Variants in DUSP22 observed in about 807,000 individuals in gnomAD.
The protein encoded by DUSP22 is dual specificity phosphatase 22.
DUSP22 carries 24 observed loss-of-function variants against 24.5 expected under a neutral mutation model. The observed-to-expected ratio is 0.98, with a 90% CI of 0.71 to 1.38. The LOEUF is 1.38. DUSP22 is among the 40% of genes most tolerant of loss of function. The pLI, the probability that DUSP22 is intolerant of heterozygous loss-of-function variation, is 0.00. For synonymous variants in DUSP22, 160 were observed against 106.4 expected (o/e 1.50, Z -3.10); for missense variants, 330 against 269.2 (o/e 1.23, Z -1.58).
At chr6:322,753 G>A (rs1380960801) in intron 3 of DUSP22, among the ~76,000 whole-genome samples, 1 of 150,994 alleles carries the variant, frequency 6.6e-6, no homozygotes, top group Non-Finnish European at 1.5e-5. Context: ...CTAGCAGAAA[G>A]CTTAAGCATC....
At chr6:326,835 C>T (rs554716244) in intron 3 of DUSP22, among the ~76,000 whole-genome samples, 4 of 152,424 alleles carry the variant, frequency 2.6e-5, no homozygotes, top group African/African-American at 7.2e-5. Flanking sequence ...ATTAAGAATG[C>T]TGCAATTCTA....
chr6:339,901 C>T (rs1349872569), intron 4 of DUSP22, among the ~76,000 whole-genome samples: 1 of 152,296 alleles, frequency 6.6e-6, no homozygotes, highest in East Asian at 1.9e-4. Context: ...GGCCCTTGGA[C>T]TACTGTGGTC....
intron 1 of DUSP22, among the ~76,000 whole-genome samples, chr6:301,318 G>T (rs1338704372): frequency 6.6e-6 from 1 of 152,310 alleles, no homozygotes; most frequent in Admixed American, 6.5e-5. Flanking sequence ...TTAGGGCAAA[G>T]AAAGTGCTAT....
intron 1 of DUSP22, among the ~76,000 whole-genome samples, chr6:297,816 C>G (rs1470492395): frequency 6.6e-6 from 1 of 152,300 alleles, no homozygotes; most frequent in Non-Finnish European, 1.5e-5. Context: ...AGGTCAGGCA[C>G]CTTTGTGCTG....
Position 350,664 on chromosome 6 carries a change from T to G in DUSP22, c.*1713T>G. ...AAACAATTTGCCAATAAAGTACATG[T>G]TTTTCCTAAGCCAAAAATAAATACG... is the stretch of plus-strand genomic sequence containing the variant. On this transcript the variant is annotated 3_prime_UTR_variant, in exon 7 of 7. Transcript: ENST00000419235. 1 of 1,524,794 alleles carries G rather than the reference T, an allele frequency of 6.6e-7. No individual in the cohort carries two copies. 94.5% of individuals were successfully genotyped at this position (1,524,794 alleles called of 1,614,324 possible).
chr6:310,029 C>T (rs775226102), intron 2 of DUSP22, among the ~76,000 whole-genome samples: 1 of 152,306 alleles, frequency 6.6e-6, no homozygotes, highest in Non-Finnish European at 1.5e-5. Flanking sequence ...GGGGCGATCT[C>T]GGCTCACTGC....
intron 3 of DUSP22, among the ~76,000 whole-genome samples, chr6:312,764 T>G (rs1389952604): frequency 1.3e-5 from 2 of 152,306 alleles, no homozygotes; most frequent in East Asian, 3.8e-4. Flanking sequence ...TAATGTTTTT[T>G]ATTTCAAATG....
intron 3 of DUSP22, among the ~76,000 whole-genome samples, chr6:319,052 G>A (rs912771679): frequency 9.9e-5 from 15 of 152,268 alleles, no homozygotes; most frequent in African/African-American, 2.7e-4. Context: ...AAAGGACCAG[G>A]CCAGACTCCT....
intron 1 of DUSP22, among the ~76,000 whole-genome samples, chr6:294,804 A>G (rs983126606): frequency 3.9e-5 from 6 of 152,300 alleles, no homozygotes; most frequent in Non-Finnish European, 8.8e-5. Context: ...GAGAACAAAC[A>G]CAAGGTAGGG....
At chr6:338,245 T>C (rs911065845) in intron 4 of DUSP22, among the ~76,000 whole-genome samples, 1 of 152,310 alleles carries the variant, frequency 6.6e-6, no homozygotes, top group Non-Finnish European at 1.5e-5. Flanking sequence ...ACTAAAGTTA[T>C]GTGGAAATGG....
chr6:348,008 A>AC, intron 5 of DUSP22, 95 bp from the exon 6 acceptor site: 1 of 1,543,010 alleles, frequency 6.5e-7, no homozygotes, highest in Non-Finnish European at 8.8e-7. Flanking sequence ...GACTTTCTGA[A>AC]CAAGGTCCTT....
chr6:348,744 T>C (rs774208219), intron 6 of DUSP22, 25 bp from the exon 7 acceptor site: 6 of 1,613,968 alleles, frequency 3.7e-6, no homozygotes, highest in Middle Eastern at 1.7e-4. Flanking sequence ...GTGTGACGTT[T>C]CGGGTTTGTT....
chr6:337,745 C>T (rs1399324019), intron 4 of DUSP22, among the ~76,000 whole-genome samples: 4 of 152,310 alleles, frequency 2.6e-5, no homozygotes, highest in African/African-American at 9.6e-5. Context: ...ACGTTTTACT[C>T]TTTAAGCAAT....
At chr6:320,678 C>T (rs1286610021) in intron 3 of DUSP22, among the ~76,000 whole-genome samples, 2 of 152,282 alleles carry the variant, frequency 1.3e-5, no homozygotes, top group African/African-American at 2.4e-5. Context: ...GTTGAGGCAG[C>T]CTTATAGGAC....
chr6:313,778 A>G (rs1416893013), intron 3 of DUSP22, among the ~76,000 whole-genome samples: 1 of 152,422 alleles, frequency 6.6e-6, no homozygotes, highest in Admixed American at 6.5e-5. Flanking sequence ...TCAATCTTTA[A>G]TTTCACAAGT....
chr6:336,261 CT>C (rs1158474084), intron 4 of DUSP22, among the ~76,000 whole-genome samples: 1 of 152,302 alleles, frequency 6.6e-6, no homozygotes, highest in Non-Finnish European at 1.5e-5. Flanking sequence ...CACAGCAACC[CT>C]CCTAGAACTG....
At position 350,364 on chromosome 6, in the gene DUSP22, T is replaced by C; in HGVS notation, c.*1413T>C. 1 of 1,064,718 alleles carries C rather than the reference T, an allele frequency of 9.4e-7. No individual in the cohort carries two copies. Among genetic ancestry groups the C allele is most frequent in the Non-Finnish European group, 1.1e-6 (1 of 878,734 alleles). 66.0% of individuals were successfully genotyped at this position (1,064,718 alleles called of 1,614,324 possible). ...CAGTGGTCTAGTCCTTTATACCGACTCAGATTCCTTAAGCATGCAGAGTCA... is the reference window on the plus strand; with the variant it reads ...CAGTGGTCTAGTCCTTTATACCGACCCAGATTCCTTAAGCATGCAGAGTCA... On this transcript the variant is annotated 3_prime_UTR_variant, in exon 7 of 7. Coordinates refer to ENST00000419235, the MANE Select transcript of DUSP22 (RefSeq NM_001286555.3).
At chr6:294,494 TAAAC>T (rs1757238319) in intron 1 of DUSP22, among the ~76,000 whole-genome samples, 1 of 152,406 alleles carries the variant, frequency 6.6e-6, no homozygotes, top group East Asian at 1.9e-4. Context: ...CATTAAAAAA[TAAAC>T]CGGTGAAATT....
chr6:328,579 T>G (rs1329532567), intron 3 of DUSP22, among the ~76,000 whole-genome samples: 1 of 152,308 alleles, frequency 6.6e-6, no homozygotes, highest in African/African-American at 2.4e-5. Flanking sequence ...TCTGACCTCC[T>G]GCTCCCTCCC....
Sources: allele counts gnomAD v4.1 joint callset (sites outside exome capture counted in the v4.1 genomes callset), GRCh38; gene constraint gnomAD v4.1.1; transcripts MANE v1.5; gene names NCBI Gene and HGNC (gene_info 2026-07-23, HGNC 2026-07-21).